Variants in SGSM2 observed in about 807,000 individuals in gnomAD.
SGSM2 encodes small G protein signaling modulator 2.
Under a neutral mutation model 126.6 loss-of-function variants are expected in SGSM2, and 89 were observed. The observed-to-expected ratio is 0.70, with a 90% CI of 0.59 to 0.84. SGSM2 has a LOEUF of 0.84. Ranked by LOEUF, SGSM2 falls within the 40% of genes least tolerant of loss-of-function variation. The pLI is 0.00. For synonymous variants in SGSM2, 614 were observed against 574.3 expected (o/e 1.07, Z -0.99); for missense variants, 1,404 against 1,416.6 (o/e 0.99, Z 0.14).
intron 13 of SGSM2, 61 bp downstream of exon 13, chr17:2,371,476 TCTGTC>T: frequency 1.3e-6 from 2 of 1,523,828 alleles, no homozygotes; most frequent in Non-Finnish European, 1.8e-6. Flanking sequence ...TGTGTGTCCG[TCTGTC>T]CTTAAAGGCC....
At chr17:2,343,485 C>T (rs570740230) in intron 1 of SGSM2, 60 bp from the exon 2 acceptor site, 23 of 1,540,296 alleles carry the variant, frequency 1.5e-5, no homozygotes, top group Non-Finnish European at 1.8e-5. Flanking sequence ...TATTTATTTG[C>T]CCAGAGGTCT....
rs569704339 is a variant in SGSM2 at position 2,372,801 on chromosome 17, G to A, written c.1789-152G>A. 714 of 1,064,208 alleles carry A rather than the reference G, an allele frequency of 6.7e-4. 4 individuals carry two copies. Among genetic ancestry groups the A allele is most frequent in the African/African-American group, 2.0e-3 (123 of 62,396 alleles). The allele number at this position is 1,064,208 out of a possible 1,614,324, so 65.9% of individuals were successfully genotyped here. ...CTCATCCCACTGTGAGCTGGGGCAC[G>A]GGAGGACGTGGCCACCCCAAAGCAG... is the stretch of plus-strand genomic sequence containing the variant. On this transcript the variant is annotated intron_variant, in intron 15 of 23. Coordinates refer to ENST00000268989, the MANE Select transcript of SGSM2 (RefSeq NM_014853.3). This position sits in a 1 kb window ranked among gnomAD's most constrained non-coding sequence, Gnocchi z 6.0.
At chr17:2,373,828 C>G (rs984524412) in intron 17 of SGSM2, 30 of 338,456 alleles carry the variant, frequency 8.9e-5, no homozygotes, top group Non-Finnish European at 1.4e-4. Context: ...CAACAGGCAG[C>G]GCTGGGTTCT....
chr17:2,351,985 C>A (rs1297292230), intron 2 of SGSM2, among the ~76,000 whole-genome samples: 1 of 152,176 alleles, frequency 6.6e-6, no homozygotes, highest in African/African-American at 2.4e-5. Flanking sequence ...TGAGTAAAGG[C>A]AGCCACTACA....
Position 2,372,989 on chromosome 17 carries a change from T to C in SGSM2, c.1825T>C (p.Tyr609His), listed in dbSNP as rs113413805. 97 of 1,584,790 alleles carry C rather than the reference T, an allele frequency of 6.1e-5. No individual in the cohort carries two copies. Among genetic ancestry groups the C allele is most frequent in the Middle Eastern group, 1.7e-4 (1 of 6,048 alleles). ...KELELLRQVY[Y>H]GGIEHEIRKD... is the part of the protein sequence containing the mutation. ...GCTGGAGCTGCTGCGGCAAGTTTACTACGGAGGCATAGAGCACGAGATCCG... is the reference window on the plus strand; with the variant it reads ...GCTGGAGCTGCTGCGGCAAGTTTACCACGGAGGCATAGAGCACGAGATCCG... Residue 609 changes from tyrosine to histidine, a missense_variant, in exon 16 of 24, where the codon TAC (tyrosine) becomes CAC (histidine). Tyr to His is a moderately conservative substitution (Grantham distance 83, BLOSUM62 2). Coordinates refer to ENST00000268989, the MANE Select transcript of SGSM2 (RefSeq NM_014853.3). This position sits in a 1 kb window ranked among gnomAD's most constrained non-coding sequence, Gnocchi z 6.0.
intron 10 of SGSM2, 41 bp downstream of exon 10, chr17:2,365,098 G>T (rs73296283): frequency 0.053 from 84,721 of 1,603,536 alleles, 3,377 homozygotes; most frequent in African/African-American, 0.2. Flanking sequence ...GCTGTGTGTG[G>T]GGTTCTCTGC....
chr17:2,373,761 A>T (rs1163729261), intron 17 of SGSM2: 1 of 497,142 alleles, frequency 2.0e-6, no homozygotes, highest in Non-Finnish European at 3.6e-6. Flanking sequence ...ATAGGGAAAG[A>T]TGGACTTACT....
chr17:2,365,470 G>A (rs891294514), intron 11 of SGSM2, 129 bp downstream of exon 11: 112 of 1,106,538 alleles, frequency 1.0e-4, no homozygotes, highest in Non-Finnish European at 5.1e-5. Context: ...GAGGCTCATC[G>A]CCTAGCCTCT....
Position 2,362,344 on chromosome 17 carries a change from C to A in SGSM2, c.458+74C>A, listed in dbSNP as rs1162881473. The A allele has an allele frequency of 1.4e-6, 2 of 1,471,156 alleles. No homozygotes were observed. Among genetic ancestry groups the A allele is most frequent in the Non-Finnish European group, 1.8e-6 (2 of 1,097,338 alleles). The allele number at this position is 1,471,156 out of a possible 1,614,324, so 91.1% of individuals were successfully genotyped here. A position where few individuals can be genotyped will look rare whatever the true frequency, so the allele number is the denominator to read the frequency against. ...CAAAACTGCAGGTGACCGCCCCGTT[C>A]CCCAAAAACTGCAGGTGACCGCCCC... On this transcript the variant is annotated intron_variant, in intron 4 of 23. Transcript: ENST00000268989. The surrounding 1 kb of genome is among the most constrained non-coding windows in gnomAD (Gnocchi z 4.9).
chr17:2,346,792 A>C (rs2064614679), intron 2 of SGSM2, among the ~76,000 whole-genome samples: 1 of 152,160 alleles, frequency 6.6e-6, no homozygotes, highest in Non-Finnish European at 1.5e-5. Context: ...AATGGACTCA[A>C]AACTACCACT....
chr17:2,338,330 C>CGGAA (rs1414213538), intron 1 of SGSM2, among the ~76,000 whole-genome samples: 2 of 151,906 alleles, frequency 1.3e-5, no homozygotes, highest in African/African-American at 4.9e-5. Context: ...TTTTAACACT[C>CGGAA]GGAAGTTTTT....
intron 11 of SGSM2, among the ~76,000 whole-genome samples, chr17:2,365,640 A>G (rs912883541): frequency 3.3e-5 from 5 of 152,312 alleles, no homozygotes; most frequent in African/African-American, 1.2e-4. Flanking sequence ...CCAGGGGTAA[A>G]ACACGTGGAG....
At chr17:2,355,368 G>A (rs2151530874) in intron 2 of SGSM2, among the ~76,000 whole-genome samples, 3 of 48,900 alleles carry the variant, frequency 6.1e-5, no homozygotes, top group African/African-American at 1.4e-4. Flanking sequence ...TTAGAATGGT[G>A]GAATCGGGGT....
In SGSM2 at chr17:2,379,185, A is replaced by G. The variant is rs1567855583; in HGVS notation, c.3049A>G (p.Ile1017Val). ...TGACAACAACATGGACTTCACTGAC[A>G]TCATCAAGTTTTTCAATGGTACGAG... ...IRDNNMDFTD[I>V]IKFFNERAEH... Residue 1017 changes from isoleucine (I) to valine (V), a missense_variant, in exon 23 of 24, where the codon ATC (isoleucine) becomes GTC (valine). Physicochemically the swap from Ile to Val is conservative, Grantham distance 29. Coordinates refer to ENST00000268989, the MANE Select transcript of SGSM2 (RefSeq NM_014853.3). The G allele has an allele frequency of 6.2e-7, 1 of 1,613,938 alleles. No homozygotes were observed. The highest frequency in any genetic ancestry group is 2.2e-5 in the East Asian group (1 of 44,858).
Position 2,362,326 on chromosome 17 carries a change from G to A in SGSM2, c.458+56G>A. 1 of 1,470,232 alleles carries A rather than the reference G, an allele frequency of 6.8e-7. No homozygotes were observed. Among genetic ancestry groups the A allele is most frequent in the Non-Finnish European group, 9.0e-7 (1 of 1,110,258 alleles). 91.1% of individuals were successfully genotyped at this position (1,470,232 alleles called of 1,614,324 possible). On this transcript the variant is annotated intron_variant, in intron 4 of 23. Transcript: ENST00000268989. The surrounding 1 kb of genome is among the most constrained non-coding windows in gnomAD (Gnocchi z 4.9). Reference sequence around the variant, plus strand: ...TGACCACCCCGTTCCCCCCAAAACTGCAGGTGACCGCCCCGTTCCCCAAAA... The same window carrying A: ...TGACCACCCCGTTCCCCCCAAAACTACAGGTGACCGCCCCGTTCCCCAAAA...
intron 2 of SGSM2, among the ~76,000 whole-genome samples, chr17:2,345,355 G>A (rs1313220463): frequency 6.6e-6 from 1 of 150,390 alleles, no homozygotes; most frequent in Admixed American, 6.6e-5. Flanking sequence ...CCAGCACTTT[G>A]GGAGGTGGAG....
chr17:2,363,663 T>C lies in SGSM2; in HGVS notation c.807+64T>C. The C allele has an allele frequency of 6.3e-7, 1 of 1,585,750 alleles. No homozygotes were observed. Among genetic ancestry groups the C allele is most frequent in the Non-Finnish European group, 8.6e-7 (1 of 1,162,720 alleles). ...CCCGAACGAGACGACTGGAAGCCTC[T>C]AGCCATGGCTATTCCTTTCCTGAGG... On this transcript the variant is annotated intron_variant, in intron 7 of 23. Transcript: ENST00000268989. The surrounding 1 kb of genome is among the most constrained non-coding windows in gnomAD (Gnocchi z 4.2).
Position 2,362,720 on chromosome 17 carries a change from C to T in SGSM2, c.459-118C>T. 1 of 1,029,812 alleles carries T rather than the reference C, an allele frequency of 9.7e-7. No individual in the cohort carries two copies. Among genetic ancestry groups the T allele is most frequent in the Non-Finnish European group, 1.5e-6 (1 of 683,284 alleles). The allele number at this position is 1,029,812 out of a possible 1,614,324, so 63.8% of individuals were successfully genotyped here. A position where few individuals can be genotyped will look rare whatever the true frequency, so the allele number is the denominator to read the frequency against. Reference sequence around the variant, plus strand: ...ACGAAGCCCAGTCCCTAAGGACTCACTGTTTCTTGATGACTGATCTGAATC... The same window carrying T: ...ACGAAGCCCAGTCCCTAAGGACTCATTGTTTCTTGATGACTGATCTGAATC... On this transcript the variant is annotated intron_variant, in intron 4 of 23. Coordinates refer to ENST00000268989, the MANE Select transcript of SGSM2 (RefSeq NM_014853.3). The surrounding 1 kb of genome is among the most constrained non-coding windows in gnomAD (Gnocchi z 4.9).
rs1197364206 is a variant in SGSM2 at position 2,373,047 on chromosome 17, A to G, written c.1883A>G (p.Tyr628Cys). The G allele has an allele frequency of 5.0e-6, 8 of 1,609,312 alleles. No homozygotes were observed. The highest frequency in any genetic ancestry group is 6.8e-6 in the Non-Finnish European group (8 of 1,178,390). ...KDVWPFLLGH[Y>C]KFGMSKKEME... is the part of the protein sequence containing the mutation. ...GTCTGGCCCTTTCTGCTTGGCCACT[A>G]CAAGTTCGGCATGAGCAAGAAGGAG... Residue 628 changes from tyrosine to cysteine, a missense_variant, in exon 16 of 24, where the codon TAC (tyrosine) becomes TGC (cysteine). Coordinates refer to ENST00000268989, the MANE Select transcript of SGSM2 (RefSeq NM_014853.3).
Sources: allele counts gnomAD v4.1 joint callset (sites outside exome capture counted in the v4.1 genomes callset), GRCh38; gene constraint gnomAD v4.1.1; non-coding constraint Gnocchi (gnomAD v3.1); transcripts MANE v1.5; gene names NCBI Gene and HGNC (gene_info 2026-07-23, HGNC 2026-07-21).